Variants in ERBB4 observed in about 807,000 individuals in gnomAD.
ERBB4 encodes erb-b2 receptor tyrosine kinase 4, also known as receptor tyrosine-protein kinase erbB-4.
In ERBB4, 42 loss-of-function variants were observed where a neutral mutation model predicts 158.0. The ratio of observed to expected loss-of-function variants is 0.27; its 90% CI spans 0.21 to 0.34. The LOEUF (loss-of-function observed/expected upper bound fraction) is 0.34, where lower values mean the gene tolerates loss of function less well. Ranked by LOEUF, ERBB4 falls within the 10% of genes least tolerant of loss-of-function variation. The probability of loss-of-function intolerance (pLI) is 1.00; values close to 1 mark genes in which losing one functional copy is unlikely to be tolerated. For synonymous variants in ERBB4, 583 were observed against 558.7 expected (o/e 1.04, Z -0.61); for missense variants, 1,333 against 1,624.1 (o/e 0.82, Z 3.08).
chr2:212,068,566 A>C (rs2078010588), intron 2 of ERBB4, among the ~76,000 whole-genome samples: 1 of 151,936 alleles, frequency 6.6e-6, no homozygotes, highest in East Asian at 1.9e-4. Context: ...ATTCTTACAC[A>C]CCAAAAGCTA....
intron 19 of ERBB4, among the ~76,000 whole-genome samples, chr2:211,596,182 G>C (rs1318857787): frequency 4.6e-5 from 7 of 151,864 alleles, no homozygotes; most frequent in Non-Finnish European, 1.0e-4. Flanking sequence ...TCATTTGGGA[G>C]AGGAAGGGAT....
chr2:211,425,725 A>C (rs2125415302), intron 22 of ERBB4, among the ~76,000 whole-genome samples: 1 of 152,260 alleles, frequency 6.6e-6, no homozygotes, highest in East Asian at 1.9e-4. Flanking sequence ...TCTGTCACTC[A>C]GAATGGAATG....
intron 7 of ERBB4, among the ~76,000 whole-genome samples, chr2:211,716,746 C>A (rs2073930928): frequency 6.6e-6 from 1 of 152,082 alleles, no homozygotes; most frequent in African/African-American, 2.4e-5. Flanking sequence ...AGCTTAATGT[C>A]CTTGTTTTCC....
intron 5 of ERBB4, among the ~76,000 whole-genome samples, chr2:211,734,095 A>C (rs2074521911): frequency 6.6e-6 from 1 of 152,212 alleles, no homozygotes; most frequent in South Asian, 2.1e-4. Flanking sequence ...AAATATTTTT[A>C]AAAATTGAAA....
chr2:212,062,399 CTTTTTTTTTTTTTTTTTTTTTTTTTTT>C (rs199535512), intron 2 of ERBB4, among the ~76,000 whole-genome samples: 2 of 81,302 alleles, frequency 2.5e-5, no homozygotes, highest in Admixed American at 1.5e-4. Flanking sequence ...CTTGTCAATT[CTTTTTTTTTTTTTTTTTTTTTTTTTTT>C]TTTTTTTTTT....
chr2:212,472,612 G>A (rs1351275536), intron 1 of ERBB4, among the ~76,000 whole-genome samples: 3 of 151,318 alleles, frequency 2.0e-5, no homozygotes, highest in Non-Finnish European at 4.4e-5. Flanking sequence ...GGAAAGAGCG[G>A]TACTTCTCAA....
chr2:212,377,683 A>G (rs1279460870), intron 1 of ERBB4, among the ~76,000 whole-genome samples: 1 of 151,940 alleles, frequency 6.6e-6, no homozygotes, highest in Non-Finnish European at 1.5e-5. Context: ...GGCCTAGGGC[A>G]CTACAGCTAC....
chr2:211,674,925 A>G (rs141586437), intron 13 of ERBB4, among the ~76,000 whole-genome samples: 118 of 152,226 alleles, frequency 7.8e-4, no homozygotes, highest in African/African-American at 2.5e-3. Context: ...ACTTCCCCAC[A>G]CGCAGAGTTG....
At position 211,839,494 on chromosome 2, in the gene ERBB4, A is replaced by T. The variant is rs535398361; in HGVS notation, c.422-51335T>A. Among the ~76,000 whole-genome samples, 11 of 152,240 alleles carry T rather than the reference A, an allele frequency of 7.2e-5. No individual in the cohort carries two copies. In the East Asian group the frequency reaches 2.1e-3, roughly 29 times the overall value. The stretch of plus-strand genomic sequence containing the variant: ...TGACTGGTCCCCAAAACAATTCTCA[A>T]CTAGGTTTTTTTCTCAGGTGCATGT... On this transcript the variant is annotated intron_variant, in intron 3 of 27. Coordinates refer to ENST00000342788, the MANE Select transcript of ERBB4 (RefSeq NM_005235.3).
At chr2:211,605,150 C>T (rs1431287349) in intron 19 of ERBB4, among the ~76,000 whole-genome samples, 4 of 151,968 alleles carry the variant, frequency 2.6e-5, no homozygotes, top group Admixed American at 2.0e-4. Context: ...TCTTTTTGTT[C>T]CTCTGATATT....
intron 4 of ERBB4, among the ~76,000 whole-genome samples, chr2:211,771,156 G>T (rs7576466): frequency 0.67 from 102,035 of 152,070 alleles, 35,405 homozygotes; most frequent in African/African-American, 0.85. Context: ...TTAAACAAAA[G>T]GTACTCAGGC....
intron 20 of ERBB4, among the ~76,000 whole-genome samples, chr2:211,539,781 A>G (rs970274859): frequency 1.3e-5 from 2 of 151,900 alleles, no homozygotes; most frequent in East Asian, 1.9e-4. Flanking sequence ...ATACAAAGGG[A>G]GGTTTTTTTA....
At chr2:211,997,351 T>C (rs2082224095) in intron 2 of ERBB4, among the ~76,000 whole-genome samples, 1 of 151,482 alleles carries the variant, frequency 6.6e-6, no homozygotes, top group South Asian at 2.1e-4. Context: ...CTTTCACTTG[T>C]TAAAAAAAAA....
At chr2:211,990,523 A>AAATAAATAAATAAAT (rs1559262650) in intron 2 of ERBB4, among the ~76,000 whole-genome samples, 2 of 134,358 alleles carry the variant, frequency 1.5e-5, no homozygotes, top group African/African-American at 2.6e-5. Flanking sequence ...AATAAAAATA[A>AAATAAATAAATAAAT]AAATAAATAA....
chr2:212,415,619 T>G (rs2091628944), intron 1 of ERBB4, among the ~76,000 whole-genome samples: 1 of 152,104 alleles, frequency 6.6e-6, no homozygotes, highest in Non-Finnish European at 1.5e-5. Flanking sequence ...TAAAAGGACA[T>G]ATATGTATAA....
intron 17 of ERBB4, among the ~76,000 whole-genome samples, chr2:211,628,641 T>C (rs1415651079): frequency 1.3e-5 from 2 of 152,240 alleles, no homozygotes; most frequent in African/African-American, 4.8e-5. Context: ...CATGTGCATG[T>C]GTCTTTATAG....
chr2:211,386,646 G>A lies in ERBB4; in HGVS notation c.3481+207C>T, dbSNP rs558550527. Reference sequence around the variant, plus strand: ...CCAGATTCCTATTCAGACGGGGCCTGCCTGAGATTCTGATTTATATAAATA... The same window carrying A: ...CCAGATTCCTATTCAGACGGGGCCTACCTGAGATTCTGATTTATATAAATA... On this transcript the variant is annotated intron_variant, in intron 27 of 27. Coordinates refer to ENST00000342788, the MANE Select transcript of ERBB4 (RefSeq NM_005235.3). Among the ~76,000 whole-genome samples, 16 of 152,272 alleles carry A rather than the reference G, an allele frequency of 1.1e-4. No homozygotes were observed. The South Asian group carries it at 2.9e-3, about 28-fold the overall frequency.
At chr2:212,398,952 T>C (rs1354351427) in intron 1 of ERBB4, among the ~76,000 whole-genome samples, 1 of 152,118 alleles carries the variant, frequency 6.6e-6, no homozygotes, top group Admixed American at 6.6e-5. Flanking sequence ...ATTTTATTAT[T>C]ATTATTTTTG....
chr2:212,122,084 C>T (rs1479742054), intron 2 of ERBB4, among the ~76,000 whole-genome samples: 2 of 150,712 alleles, frequency 1.3e-5, no homozygotes, highest in African/African-American at 4.9e-5. Context: ...TACATACACA[C>T]ACCCCACATA....
Sources: gnomAD v4.1 joint callset for allele counts (sites outside exome capture counted in the v4.1 genomes callset) on GRCh38, gnomAD v4.1.1 for gene constraint, MANE v1.5 for transcripts, NCBI Gene and HGNC (gene_info 2026-07-23, HGNC 2026-07-21) for gene names.